Variants in IL2RA observed in about 807,000 individuals in gnomAD.
IL2RA encodes the protein interleukin-2 receptor subunit alpha.
A neutral mutation model predicts 37.8 loss-of-function variants in IL2RA; 24 were observed. The observed-to-expected ratio is 0.63, with a 90% confidence interval of 0.46 to 0.89. The LOEUF (loss-of-function observed/expected upper bound fraction) is 0.89. Among genes scored for constraint, IL2RA ranks in the 40% least tolerant of loss-of-function variants. IL2RA has a pLI of 0.00. For missense variants in IL2RA, 319 were observed against 348.6 expected (o/e 0.92, Z 0.68); for synonymous variants, 125 against 114.6 (o/e 1.09, Z -0.58).
At chr10:6,038,791 T>C (rs1839727959) in intron 1 of IL2RA, among the ~76,000 whole-genome samples, 1 of 152,226 alleles carries the variant, frequency 6.6e-6, no homozygotes, top group Non-Finnish European at 1.5e-5. Flanking sequence ...ATCTAGGCTT[T>C]GTAAAGTCTG....
At position 6,054,371 on chromosome 10, in the gene IL2RA, G is replaced by C. The variant is rs990157417; in HGVS notation, c.64+7717C>G. ...TGCCATCCAGGGTCATGTGGTGCTG[G>C]TGATAAGTGATCAGTGACCCATTGA... On this transcript the variant is annotated intron_variant, in intron 1 of 7. Coordinates refer to ENST00000379959, the MANE Select transcript of IL2RA (RefSeq NM_000417.3). This position sits in a 1 kb window ranked among gnomAD's most constrained non-coding sequence, Gnocchi z 4.5. Among the ~76,000 whole-genome samples, 1 of 152,202 alleles carries C rather than the reference G, an allele frequency of 6.6e-6. No homozygotes were observed. The highest frequency in any genetic ancestry group is 1.5e-5 in the Non-Finnish European group (1 of 68,036).
chr10:6,048,418 A>C lies in IL2RA; in HGVS notation c.64+13670T>G, dbSNP rs1199422861. Among the ~76,000 whole-genome samples the C allele has an allele frequency of 6.6e-6, 1 of 152,172 alleles. No homozygotes were observed. The highest frequency in any genetic ancestry group is 6.5e-5 in the Admixed American group (1 of 15,274). On this transcript the variant is annotated intron_variant, in intron 1 of 7. Transcript: ENST00000379959. The surrounding 1 kb of genome is among the most constrained non-coding windows in gnomAD (Gnocchi z 5.3). Reference sequence around the variant, plus strand: ...AGGGAGGACAGTTCTGGATGTGTAGACTGAGCAGCCTGTGAGGCATCCACA... The same window carrying C: ...AGGGAGGACAGTTCTGGATGTGTAGCCTGAGCAGCCTGTGAGGCATCCACA...
intron 1 of IL2RA, among the ~76,000 whole-genome samples, chr10:6,049,852 C>A (rs921475046): frequency 6.6e-6 from 1 of 152,232 alleles, no homozygotes; most frequent in African/African-American, 2.4e-5. Flanking sequence ...TCTCAAGACG[C>A]TTTTCTGGTT....
At chr10:6,062,047 T>G in intron 1 of IL2RA, 41 bp downstream of exon 1, 1 of 1,544,466 alleles carries the variant, frequency 6.5e-7, no homozygotes, top group Non-Finnish European at 9.0e-7. Flanking sequence ...GGGATGCCCA[T>G]CAGCCTTCCC....
Position 6,025,009 on chromosome 10 carries a change from G to C in IL2RA, c.257-655C>G, listed in dbSNP as rs1839456810. ...GCACATTGGGAGGCTGAGGCAGGAGGACTGCTTGAGCCCAGGAGTTTAAGA... is the reference window on the plus strand; with the variant it reads ...GCACATTGGGAGGCTGAGGCAGGAGCACTGCTTGAGCCCAGGAGTTTAAGA... On this transcript the variant is annotated intron_variant, in intron 2 of 7. Transcript: ENST00000379959. The surrounding 1 kb of genome is among the most constrained non-coding windows in gnomAD (Gnocchi z 4.4). Among the ~76,000 whole-genome samples, 1 of 152,146 alleles carries C rather than the reference G, an allele frequency of 6.6e-6. No homozygotes were observed. Among genetic ancestry groups the C allele is most frequent in the Non-Finnish European group, 1.5e-5 (1 of 67,998 alleles).
chr10:6,019,636 T>G (rs1235581102), intron 5 of IL2RA, 137 bp from the exon 6 acceptor site: 1 of 791,094 alleles, frequency 1.3e-6, no homozygotes, highest in East Asian at 2.5e-5. Flanking sequence ...TGAGGGAAGG[T>G]GTTCCATCTC....
intron 1 of IL2RA, among the ~76,000 whole-genome samples, chr10:6,045,596 G>A (rs893515205): frequency 1.3e-5 from 2 of 152,122 alleles, no homozygotes; most frequent in Admixed American, 6.5e-5. Flanking sequence ...GATTTAAAAG[G>A]GGGAAGTAGA....
chr10:6,019,846 T>C lies in IL2RA; in HGVS notation c.655+24A>G, dbSNP rs772823418. ...GCCCTTTTGGACTAGGCCTCTGTGGTCCAGCGTTTGTCTTCTCCCGCACCT... is the reference window on the plus strand; with the variant it reads ...GCCCTTTTGGACTAGGCCTCTGTGGCCCAGCGTTTGTCTTCTCCCGCACCT... On this transcript the variant is annotated intron_variant, in intron 5 of 7. Transcript: ENST00000379959. 7 of 1,610,774 alleles carry C rather than the reference T, an allele frequency of 4.3e-6. No homozygotes were observed. The African/African-American group carries it at 9.3e-5, about 22-fold the overall frequency.
Position 6,018,594 on chromosome 10 carries a change from T to A in IL2RA, c.728-475A>T, listed in dbSNP as rs1232288635. ...CCCTCCTACCAGGAAACAATGGCAG[T>A]GTTTCTGGAAGCCTGTCCTCTCTGA... On this transcript the variant is annotated intron_variant, in intron 6 of 7. Coordinates refer to ENST00000379959, the MANE Select transcript of IL2RA (RefSeq NM_000417.3). The surrounding 1 kb of genome is among the most constrained non-coding windows in gnomAD (Gnocchi z 5.1). Among the ~76,000 whole-genome samples, 1 of 152,106 alleles carries A rather than the reference T, an allele frequency of 6.6e-6. No individual in the cohort carries two copies. Among genetic ancestry groups the A allele is most frequent in the Non-Finnish European group, 1.5e-5 (1 of 68,012 alleles).
rs1839885475 is a variant in IL2RA at position 6,047,598 on chromosome 10, G to A, written c.64+14490C>T. On this transcript the variant is annotated intron_variant, in intron 1 of 7. Transcript: ENST00000379959. This position sits in a 1 kb window ranked among gnomAD's most constrained non-coding sequence, Gnocchi z 5.0. ...GAAGGAGCTTATTATGAATATGAAG[G>A]ATAATTAACGTATCTATTATTTTAT... 1.3e-5 allele frequency among the ~76,000 whole-genome samples: 2 copies of A among 149,782 alleles called. No individual in the cohort carries two copies. Among genetic ancestry groups the A allele is most frequent in the African/African-American group, 2.5e-5 (1 of 40,764 alleles).
At position 6,035,541 on chromosome 10, in the gene IL2RA, A is replaced by G. The variant is rs2132873699; in HGVS notation, c.65-9516T>C. 6.6e-6 allele frequency among the ~76,000 whole-genome samples: 1 copy of G among 152,290 alleles called. No homozygotes were observed. Among genetic ancestry groups the G allele is most frequent in the African/African-American group, 2.4e-5 (1 of 41,550 alleles). On this transcript the variant is annotated intron_variant, in intron 1 of 7. Coordinates refer to ENST00000379959, the MANE Select transcript of IL2RA (RefSeq NM_000417.3). The surrounding 1 kb of genome is among the most constrained non-coding windows in gnomAD (Gnocchi z 5.4). Reference sequence around the variant, plus strand: ...GAGCAGGCTATATCTCTATTCTGGCAATAAAAGTACTCTGGACACTGTTAA... The same window carrying G: ...GAGCAGGCTATATCTCTATTCTGGCGATAAAAGTACTCTGGACACTGTTAA...
rs12722553 is a variant in IL2RA at position 6,029,321 on chromosome 10, C to A, written c.65-3296G>T. 0.14 allele frequency among the ~76,000 whole-genome samples: 21,522 copies of A among 151,770 alleles called. 1,605 individuals carry two copies. The highest frequency in any genetic ancestry group is 0.16 in the African/African-American group (6,435 of 41,362). ...CTGGGATTATAGGTGTGCGCCAACA[C>A]GTCTGGCTACTTTTTGTGTTTTTAG... is the stretch of plus-strand genomic sequence containing the variant. On this transcript the variant is annotated intron_variant, in intron 1 of 7. Transcript: ENST00000379959. The surrounding 1 kb of genome is among the most constrained non-coding windows in gnomAD (Gnocchi z 4.6).
chr10:6,062,365 A>G lies in IL2RA; in HGVS notation c.-214T>C. 2.3e-6 allele frequency: 1 copy of G among 438,000 alleles called. No homozygotes were observed. Among genetic ancestry groups the G allele is most frequent in the Non-Finnish European group, 4.1e-6 (1 of 243,464 alleles). 27.1% of individuals were successfully genotyped at this position (438,000 alleles called of 1,614,324 possible). A position where few individuals can be genotyped will look rare whatever the true frequency, so the allele number is the denominator to read the frequency against. ...TTGGGCTGGCGTGTTCAGCCAGGAAACTGCCTAGCACTCTCTTCTCTCATC... is the reference window on the plus strand; with the variant it reads ...TTGGGCTGGCGTGTTCAGCCAGGAAGCTGCCTAGCACTCTCTTCTCTCATC... On this transcript the variant is annotated 5_prime_UTR_variant, in exon 1 of 8. Transcript: ENST00000379959.
Position 6,012,861 on chromosome 10 carries a change from C to T in IL2RA, c.*11G>A, listed in dbSNP as rs1839210685. On this transcript the variant is annotated 3_prime_UTR_variant, in exon 8 of 8. Transcript: ENST00000379959. This position sits in a 1 kb window ranked among gnomAD's most constrained non-coding sequence, Gnocchi z 4.8. ...GGCTTCTTACCAAGAAATTCTTGTT[C>T]TTTTGGTTTTCTAGATTGTTCTTCT... 1.9e-6 allele frequency: 3 copies of T among 1,613,484 alleles called. No individual in the cohort carries two copies. The highest frequency in any genetic ancestry group is 2.5e-6 in the Non-Finnish European group (3 of 1,179,532).
rs1839537027 is a variant in IL2RA, at chr10:6,029,228, A to C, written c.65-3203T>G. Among the ~76,000 whole-genome samples the C allele has an allele frequency of 1.3e-5, 2 of 150,976 alleles. No individual in the cohort carries two copies. The highest frequency in any genetic ancestry group is 1.9e-4 in the East Asian group (1 of 5,140). ...TGCCCAGGCTGGAGTGCAATGGTGCAATCTTGACTCACTGCAACCTCTGCC... is the reference window on the plus strand; with the variant it reads ...TGCCCAGGCTGGAGTGCAATGGTGCCATCTTGACTCACTGCAACCTCTGCC... On this transcript the variant is annotated intron_variant, in intron 1 of 7. Coordinates refer to ENST00000379959, the MANE Select transcript of IL2RA (RefSeq NM_000417.3). The surrounding 1 kb of genome is among the most constrained non-coding windows in gnomAD (Gnocchi z 4.6).
At position 6,022,713 on chromosome 10, in the gene IL2RA, G is replaced by GT. The variant is rs774832433; in HGVS notation, c.368-1021dup. Among the ~76,000 whole-genome samples, 12 of 152,216 alleles carry GT rather than the reference G, an allele frequency of 7.9e-5. No individual in the cohort carries two copies. The highest frequency in any genetic ancestry group is 1.5e-4 in the Non-Finnish European group (10 of 68,034). Reference sequence around the variant, plus strand: ...GGTTGTTTGACAGCCAGTACAATTCGTAACTGTCTGAACATGTTTGAATTG... The same window carrying GT: ...GGTTGTTTGACAGCCAGTACAATTCGTTAACTGTCTGAACATGTTTGAATTG... On this transcript the variant is annotated intron_variant, in intron 3 of 7. Coordinates refer to ENST00000379959, the MANE Select transcript of IL2RA (RefSeq NM_000417.3). This position sits in a 1 kb window ranked among gnomAD's most constrained non-coding sequence, Gnocchi z 4.7.
rs866994321 is a variant in IL2RA, at chr10:6,020,745, C to G, written c.583+733G>C. 1.2e-4 allele frequency among the ~76,000 whole-genome samples: 18 copies of G among 152,134 alleles called. No individual in the cohort carries two copies. The highest frequency in any genetic ancestry group is 4.3e-4 in the African/African-American group (18 of 41,410). ...ACGGGGTTTCACCATGTTGGCCAGGCTGGTCTCGAACTCCTGACCTAAAGT... is the reference window on the plus strand; with the variant it reads ...ACGGGGTTTCACCATGTTGGCCAGGGTGGTCTCGAACTCCTGACCTAAAGT... On this transcript the variant is annotated intron_variant, in intron 4 of 7. Transcript: ENST00000379959. The surrounding 1 kb of genome is among the most constrained non-coding windows in gnomAD (Gnocchi z 5.6).
intron 1 of IL2RA, among the ~76,000 whole-genome samples, chr10:6,052,062 T>C (rs1402099165): frequency 1.3e-5 from 2 of 151,548 alleles, no homozygotes; most frequent in African/African-American, 2.4e-5. Context: ...CAGGTTGTTA[T>C]TAAAGGAATT....
Position 6,044,128 on chromosome 10 carries a change from T to A in IL2RA, c.64+17960A>T, listed in dbSNP as rs1162564832. On this transcript the variant is annotated intron_variant, in intron 1 of 7. Coordinates refer to ENST00000379959, the MANE Select transcript of IL2RA (RefSeq NM_000417.3). This position sits in a 1 kb window ranked among gnomAD's most constrained non-coding sequence, Gnocchi z 4.5. Reference sequence around the variant, plus strand: ...CACCTCTCAGTCCTCAGCAGCTGAATTCAACACAATGATTAAGCCTAGAGC... The same window carrying A: ...CACCTCTCAGTCCTCAGCAGCTGAAATCAACACAATGATTAAGCCTAGAGC... 6.6e-6 allele frequency among the ~76,000 whole-genome samples: 1 copy of A among 152,202 alleles called. No individual in the cohort carries two copies. The highest frequency in any genetic ancestry group is 1.5e-5 in the Non-Finnish European group (1 of 68,038).
Sources: allele counts gnomAD v4.1 joint callset (sites outside exome capture counted in the v4.1 genomes callset), GRCh38; gene constraint gnomAD v4.1.1; non-coding constraint Gnocchi (gnomAD v3.1); transcripts MANE v1.5; gene names NCBI Gene and HGNC (gene_info 2026-07-23, HGNC 2026-07-21).